The following FILIP1L variants were observed in gnomAD, a reference collection of about 807,000 sequenced individuals.
FILIP1L encodes the protein filamin A interacting protein 1 like, also known as filamin A-interacting protein 1-like.
FILIP1L carries 55 observed loss-of-function variants against 96.6 expected under a neutral mutation model. That is an observed-to-expected ratio of 0.57 (90% CI 0.46 to 0.71). The LOEUF is 0.71. Among genes scored for constraint, FILIP1L ranks in the 30% least tolerant of loss-of-function variants. The pLI is 0.00. For synonymous variants in FILIP1L, 467 were observed against 473.9 expected (o/e 0.99, Z 0.19); for missense variants, 1,304 against 1,321.2 (o/e 0.99, Z 0.20).
rs890321968 is a variant in FILIP1L, at chr3:99,873,380, A to AAC, written c.606-22311_606-22310insGT. On this transcript the variant is annotated intron_variant, in intron 4 of 5. Transcript: ENST00000477258. ...AGATGACAGGCTCTGTGAACAACAG[A>AAC]TGGGGCCATTTCAGTTCCTGAAGCA... Among the ~76,000 whole-genome samples the AAC allele has an allele frequency of 2.6e-5, 4 of 152,360 alleles. 1 individual carries two copies. The highest frequency in any genetic ancestry group is 9.6e-5 in the African/African-American group (4 of 41,586).
intron 1 of FILIP1L, among the ~76,000 whole-genome samples, chr3:100,035,086 A>G (rs1457777828): frequency 6.6e-6 from 1 of 152,154 alleles, no homozygotes; most frequent in Admixed American, 6.5e-5. Flanking sequence ...TTGATCTGTT[A>G]TCATAAATGT....
chr3:99,831,550 AG>A (rs1942670441), intron 5 of FILIP1L, among the ~76,000 whole-genome samples: 1 of 152,252 alleles, frequency 6.6e-6, no homozygotes, highest in East Asian at 1.9e-4. Context: ...CATGAGCAGT[AG>A]AAGCTGCAGT....
At chr3:100,019,375 T>C (rs34996634) in intron 1 of FILIP1L, among the ~76,000 whole-genome samples, 1 of 151,792 alleles carries the variant, frequency 6.6e-6, no homozygotes, top group Non-Finnish European at 1.5e-5. Context: ...AAAATATGAA[T>C]TGACAGGAGA....
At chr3:100,093,129 C>T (rs2066141853) in intron 1 of FILIP1L, among the ~76,000 whole-genome samples, 1 of 152,012 alleles carries the variant, frequency 6.6e-6, no homozygotes, top group Admixed American at 6.6e-5. Context: ...TCATTTTAAA[C>T]ATACTCTATG....
chr3:100,024,716 C>G (rs1219475337), intron 1 of FILIP1L, among the ~76,000 whole-genome samples: 1 of 152,168 alleles, frequency 6.6e-6, no homozygotes, highest in Non-Finnish European at 1.5e-5. Context: ...TGTGTGGGCT[C>G]AGTCCTGGTT....
chr3:100,038,956 C>T (rs571479954), intron 1 of FILIP1L, among the ~76,000 whole-genome samples: 1 of 152,186 alleles, frequency 6.6e-6, no homozygotes, highest in South Asian at 2.1e-4. Flanking sequence ...ATGTATAAAA[C>T]GTCTTTGAAA....
intron 1 of FILIP1L, among the ~76,000 whole-genome samples, chr3:100,080,550 T>C (rs114968445): frequency 1.5e-3 from 222 of 152,310 alleles, no homozygotes; most frequent in Non-Finnish European, 2.7e-3. Flanking sequence ...TGGACCACAT[T>C]TTGAGAAATC....
chr3:99,998,815 C>A (rs758238807), intron 1 of FILIP1L, among the ~76,000 whole-genome samples: 1 of 152,336 alleles, frequency 6.6e-6, no homozygotes, highest in Admixed American at 6.5e-5. Context: ...GTGATCCGCC[C>A]GCCTTAGCCT....
rs186580916 is a variant in FILIP1L at position 100,005,286 on chromosome 3, G to A, written c.-10-74256C>T. Among the ~76,000 whole-genome samples the A allele has an allele frequency of 2.7e-3, 410 of 152,272 alleles. 1 individual carries two copies. The highest frequency in any genetic ancestry group is 7.5e-3 in the South Asian group (36 of 4,824). On this transcript the variant is annotated intron_variant, in intron 1 of 5. Transcript: ENST00000477258. ...TTGTGTTTTTGGCTCAATATTCAGT[G>A]TGACTGCTTGACTACTGTCACTCAA...
At chr3:99,924,096 T>A in intron 4 of FILIP1L, 134 bp downstream of exon 4, 2 of 767,408 alleles carry the variant, frequency 2.6e-6, no homozygotes, top group Non-Finnish European at 4.3e-6. Flanking sequence ...AAACATATCC[T>A]TTTCCTCACC....
chr3:100,016,931 A>C (rs1052572801), intron 1 of FILIP1L, among the ~76,000 whole-genome samples: 1 of 152,242 alleles, frequency 6.6e-6, no homozygotes, highest in African/African-American at 2.4e-5. Flanking sequence ...ATCTAATTAT[A>C]GTTCACAGCT....
chr3:100,010,192 C>G, intron 1 of FILIP1L: 1 of 894,588 alleles, frequency 1.1e-6, no homozygotes, highest in Non-Finnish European at 1.3e-6. Context: ...TAAAGTATTG[C>G]TATTTTTATC....
At chr3:99,908,261 A>G (rs1278810232) in intron 4 of FILIP1L, among the ~76,000 whole-genome samples, 1 of 152,254 alleles carries the variant, frequency 6.6e-6, no homozygotes, top group African/African-American at 2.4e-5. Flanking sequence ...TCTATTATAA[A>G]GTGAGAAGAG....
intron 1 of FILIP1L, among the ~76,000 whole-genome samples, chr3:100,092,431 T>C (rs1291326558): frequency 4.6e-5 from 7 of 152,066 alleles, no homozygotes; most frequent in Admixed American, 2.0e-4. Flanking sequence ...TTGGCTTTTT[T>C]TTAACATGGA....
chr3:99,832,767 G>A (rs1328119542), intron 5 of FILIP1L, among the ~76,000 whole-genome samples: 5 of 146,276 alleles, frequency 3.4e-5, no homozygotes, highest in Admixed American at 2.0e-4. Context: ...TTGAACCCAC[G>A]AGGCGGAGGT....
At chr3:99,845,024 A>G (rs765937733) in intron 5 of FILIP1L, among the ~76,000 whole-genome samples, 1 of 152,192 alleles carries the variant, frequency 6.6e-6, no homozygotes, top group Admixed American at 6.5e-5. Context: ...AAAATGGACT[A>G]ATAAAACTGG....
chr3:100,111,740 C>T (rs1172993749), intron 1 of FILIP1L, among the ~76,000 whole-genome samples: 1 of 152,152 alleles, frequency 6.6e-6, no homozygotes. Context: ...TTCTGAAGAA[C>T]CAGATGGTAT....
intron 1 of FILIP1L, among the ~76,000 whole-genome samples, chr3:99,955,647 C>T (rs1024535903): frequency 6.6e-6 from 1 of 152,148 alleles, no homozygotes; most frequent in Non-Finnish European, 1.5e-5. Context: ...TTAGTCTTGC[C>T]TATCAAACTC....
At chr3:99,945,636 C>A (rs999502506) in intron 1 of FILIP1L, among the ~76,000 whole-genome samples, 1 of 152,194 alleles carries the variant, frequency 6.6e-6, no homozygotes, top group Non-Finnish European at 1.5e-5. Flanking sequence ...AAACTAAGCT[C>A]TTTGTGTTCC....
Sources: gnomAD v4.1 joint callset for allele counts (sites outside exome capture counted in the v4.1 genomes callset) on GRCh38, gnomAD v4.1.1 for gene constraint, MANE v1.5 for transcripts, NCBI Gene and HGNC (gene_info 2026-07-23, HGNC 2026-07-21) for gene names.